Variants in TSPO observed in about 807,000 individuals in gnomAD.
TSPO encodes benzodiazepine peripheral binding site.
In TSPO, 14 loss-of-function variants were observed where a neutral mutation model predicts 13.9. The ratio of observed to expected loss-of-function variants is 1.01; its 90% CI spans 0.67 to 1.58. The LOEUF is 1.58. TSPO is among the 40% of genes most tolerant of loss of function. The pLI is 0.00. For missense variants in TSPO, 232 were observed against 229.6 expected (o/e 1.01, Z -0.07); for synonymous variants, 114 against 105.9 (o/e 1.08, Z -0.47).
At position 43,159,103 on chromosome 22, in the gene TSPO, G is replaced by A. The variant is rs35075244; in HGVS notation, c.-29-107G>A. 19 of 878,248 alleles carry A rather than the reference G, an allele frequency of 2.2e-5. No homozygotes were observed. In the African/African-American group the frequency reaches 3.2e-4, roughly 15 times the overall value. 54.4% of individuals were successfully genotyped at this position (878,248 alleles called of 1,614,324 possible). On this transcript the variant is annotated intron_variant, in intron 1 of 3. Coordinates refer to ENST00000337554, the MANE Select transcript of TSPO (RefSeq NM_000714.6). The stretch of plus-strand genomic sequence containing the variant: ...ACATCTCTGCGCCTCCTGATCAGCT[G>A]ACTGGTTGATCTGTGGGTGACAGGC...
In TSPO at chr22:43,163,120, G is replaced by C; in HGVS notation, c.*129G>C. ...GGGCCTTGGCCCAGGGGTCAGCAGA[G>C]CTTCAGAGGTGGCCCCACCTGAGCC... On this transcript the variant is annotated 3_prime_UTR_variant, in exon 4 of 4. Coordinates refer to ENST00000337554, the MANE Select transcript of TSPO (RefSeq NM_000714.6). The C allele has an allele frequency of 6.7e-7, 1 of 1,494,164 alleles. No individual in the cohort carries two copies. The highest frequency in any genetic ancestry group is 2.0e-4 in the Middle Eastern group (1 of 4,900). The allele number at this position is 1,494,164 out of a possible 1,614,324, so 92.6% of individuals were successfully genotyped here.
chr22:43,159,420 G>C lies in TSPO; in HGVS notation c.182G>C (p.Gly61Ala). 2 of 1,516,410 alleles carry C rather than the reference G, an allele frequency of 1.3e-6. No homozygotes were observed. Among genetic ancestry groups the C allele is most frequent in the Non-Finnish European group, 1.8e-6 (2 of 1,131,968 alleles). The allele number at this position is 1,516,410 out of a possible 1,614,324, so 93.9% of individuals were successfully genotyped here. ...TGGGGCACGCTCTACTCAGCCATGGGGTAGGTGGGCGTGCACTGGCCTGGG... is the reference window on the plus strand; with the variant it reads ...TGGGGCACGCTCTACTCAGCCATGGCGTAGGTGGGCGTGCACTGGCCTGGG... ...PVWGTLYSAM[G>A]YGSYLVWKEL... The change falls in exon 2 of 4, where the codon GGG becomes GCG. Residue 61 changes from glycine (G) to alanine (A), a missense_variant and splice_region_variant. Transcript: ENST00000337554.
Position 43,155,023 on chromosome 22 carries a change from T to G in TSPO, c.-30+3419T>G, listed in dbSNP as rs550650273. Among the ~76,000 whole-genome samples, 24 of 151,910 alleles carry G rather than the reference T, an allele frequency of 1.6e-4. 1 individual carries two copies. The South Asian group carries it at 4.6e-3, about 29-fold the overall frequency. On this transcript the variant is annotated intron_variant, in intron 1 of 3. Coordinates refer to ENST00000337554, the MANE Select transcript of TSPO (RefSeq NM_000714.6). ...CGCCGCAGGCTCTATGAGCCCTGTT[T>G]CAGATGAGGAAGGAGGCTGAGACGG...
At chr22:43,152,721 T>C (rs1249594669) in intron 1 of TSPO, among the ~76,000 whole-genome samples, 1 of 152,268 alleles carries the variant, frequency 6.6e-6, no homozygotes, top group East Asian at 1.9e-4. Flanking sequence ...AAGAAGCCTT[T>C]GTCCAGAGTC....
chr22:43,154,617 C>T (rs1352382336), intron 1 of TSPO, among the ~76,000 whole-genome samples: 1 of 152,074 alleles, frequency 6.6e-6, no homozygotes. Flanking sequence ...CTCAGCCTCC[C>T]AAAGTGCTGA....
intron 1 of TSPO, among the ~76,000 whole-genome samples, chr22:43,154,114 G>A (rs2147050306): frequency 6.6e-6 from 1 of 152,288 alleles, no homozygotes; most frequent in South Asian, 2.1e-4. Flanking sequence ...GATTTTTCCA[G>A]ACCTGTGGGC....
Position 43,161,169 on chromosome 22 carries a change from T to C in TSPO, c.300T>C (p.Phe100=), listed in dbSNP as rs2030780444. 1.2e-6 allele frequency: 2 copies of C among 1,613,488 alleles called. No homozygotes were observed. Among genetic ancestry groups the C allele is most frequent in the Non-Finnish European group, 1.7e-6 (2 of 1,179,552 alleles). ...ALNWAWPPIF[F]GARQMGWALV... ...ACTGGGCATGGCCCCCCATCTTCTT[T>C]GGTGCCCGACAAATGGGCTGGGTAA... Residue 100 remains phenylalanine, a synonymous_variant, in exon 3 of 4, where the codon TTT becomes TTC. Coordinates refer to ENST00000337554, the MANE Select transcript of TSPO (RefSeq NM_000714.6).
At chr22:43,159,678 C>A in intron 2 of TSPO, 1 of 412,568 alleles carries the variant, frequency 2.4e-6, no homozygotes, top group Non-Finnish European at 4.3e-6. Context: ...AGGCAGAGGC[C>A]GGCTTAGTGT....
chr22:43,163,018 TGCACCAGCAGGTGCCATCAC>T lies in TSPO; in HGVS notation c.*30_*49del. ...TGCCCGGCCCACCAGGGACTGCAGC[TGCACCAGCAGGTGCCATCAC>T]GCTTGTGATGTGGTGGCCGTCACGC... On this transcript the variant is annotated 3_prime_UTR_variant, in exon 4 of 4. Transcript: ENST00000337554. 1 of 1,576,738 alleles carries T rather than the reference TGCACCAGCAGGTGCCATCAC, an allele frequency of 6.3e-7. No homozygotes were observed. Among genetic ancestry groups the T allele is most frequent in the Non-Finnish European group, 8.6e-7 (1 of 1,161,592 alleles).
intron 1 of TSPO, among the ~76,000 whole-genome samples, chr22:43,158,455 A>G (rs1402121990): frequency 2.0e-5 from 3 of 151,848 alleles, no homozygotes; most frequent in African/African-American, 7.3e-5. Context: ...CTAGAATCAG[A>G]GTGAGTGGGA....
At chr22:43,161,274 T>A in intron 3 of TSPO, 84 bp downstream of exon 3, 1 of 1,532,754 alleles carries the variant, frequency 6.5e-7, no homozygotes. Flanking sequence ...ACTGGGTCAG[T>A]GTCTATAGGC....
rs1931417944 is a variant in TSPO, at chr22:43,161,032, A to T, written c.183-20A>T. The T allele has an allele frequency of 1.9e-6, 3 of 1,608,674 alleles. No individual in the cohort carries two copies. The highest frequency in any genetic ancestry group is 2.5e-6 in the Non-Finnish European group (3 of 1,176,974). On this transcript the variant is annotated intron_variant, in intron 2 of 3. Coordinates refer to ENST00000337554, the MANE Select transcript of TSPO (RefSeq NM_000714.6). ...TGGCCTTGTTCCTAATGGTGCTCTGAACTGCGGCCTCTGTTTCAGGTACGG... is the reference window on the plus strand; with the variant it reads ...TGGCCTTGTTCCTAATGGTGCTCTGTACTGCGGCCTCTGTTTCAGGTACGG...
intron 2 of TSPO, 80 bp from the exon 3 acceptor site, chr22:43,160,972 C>A: frequency 6.6e-7 from 1 of 1,521,450 alleles, no homozygotes; most frequent in East Asian, 2.3e-5. Context: ...CACGTATGAA[C>A]CATCACTGTG....
At chr22:43,153,937 T>C (rs890393264) in intron 1 of TSPO, among the ~76,000 whole-genome samples, 2 of 151,856 alleles carry the variant, frequency 1.3e-5, no homozygotes, top group Non-Finnish European at 2.9e-5. Context: ...TAGAGATGGG[T>C]TTCACCATGT....
At chr22:43,154,319 G>A (rs1355700230) in intron 1 of TSPO, among the ~76,000 whole-genome samples, 1 of 151,952 alleles carries the variant, frequency 6.6e-6, no homozygotes, top group East Asian at 1.9e-4. Context: ...ATTCCTTATT[G>A]TGTTTCTGGG....
At chr22:43,161,006 C>T (rs1397775181) in intron 2 of TSPO, 46 bp from the exon 3 acceptor site, 2 of 1,582,796 alleles carry the variant, frequency 1.3e-6, no homozygotes, top group South Asian at 1.1e-5. Context: ...GGCAACGCTC[C>T]TGGCCTTGTT....
intron 1 of TSPO, among the ~76,000 whole-genome samples, chr22:43,158,283 G>C (rs1032161262): frequency 6.6e-6 from 1 of 152,168 alleles, no homozygotes; most frequent in African/African-American, 2.4e-5. Flanking sequence ...TGAGGTCCAG[G>C]CTCCCTCAGC....
At chr22:43,159,086 GC>G in intron 1 of TSPO, 123 bp from the exon 2 acceptor site, 1 of 750,860 alleles carries the variant, frequency 1.3e-6, no homozygotes. Flanking sequence ...GCACATCTCT[GC>G]GCCTCCTGAT....
At chr22:43,160,585 G>C (rs940305461) in intron 2 of TSPO, among the ~76,000 whole-genome samples, 2 of 152,148 alleles carry the variant, frequency 1.3e-5, no homozygotes, top group African/African-American at 4.8e-5. Flanking sequence ...CCCATGATCA[G>C]GCCTCCCCCT....
Sources: allele counts gnomAD v4.1 joint callset (sites outside exome capture counted in the v4.1 genomes callset), GRCh38; gene constraint gnomAD v4.1.1; transcripts MANE v1.5; gene names NCBI Gene and HGNC (gene_info 2026-07-23, HGNC 2026-07-21).